The following GALNT18 variants were observed in gnomAD, a reference collection of about 807,000 sequenced individuals.
GALNT18 encodes GalNAc-transferase 18.
GALNT18 carries 44 observed loss-of-function variants against 69.5 expected under a neutral mutation model. That is an observed-to-expected ratio of 0.63 (90% CI 0.50 to 0.81). The LOEUF is 0.81. GALNT18 is among the 40% of genes least tolerant of loss of function. The pLI, the probability that GALNT18 is intolerant of heterozygous loss-of-function variation, is 0.00. For missense variants in GALNT18, 715 were observed against 810.0 expected (o/e 0.88, Z 1.42); for synonymous variants, 364 against 318.2 (o/e 1.14, Z -1.53).
At chr11:11,522,133 A>T (rs1006359140) in intron 1 of GALNT18, among the ~76,000 whole-genome samples, 1 of 152,176 alleles carries the variant, frequency 6.6e-6, no homozygotes, top group Non-Finnish European at 1.5e-5. Context: ...AGGAGGCCCC[A>T]GGCCTCTTCT....
At chr11:11,287,601 G>C (rs138818598) in intron 10 of GALNT18, among the ~76,000 whole-genome samples, 1 of 152,112 alleles carries the variant, frequency 6.6e-6, no homozygotes, top group Admixed American at 6.5e-5. Flanking sequence ...TCAGTACGAA[G>C]GCTACTCTCA....
chr11:11,621,586 C>G lies in GALNT18; in HGVS notation c.8G>C (p.Cys3Ser). 6.3e-7 allele frequency: 1 copy of G among 1,596,498 alleles called. No homozygotes were observed. Among genetic ancestry groups the G allele is most frequent in the Non-Finnish European group, 8.5e-7 (1 of 1,170,696 alleles). The change falls in exon 1 of 11, where the codon TGC becomes TCC. Residue 3 changes from cysteine to serine, a missense_variant. Coordinates refer to ENST00000227756, the MANE Select transcript of GALNT18 (RefSeq NM_198516.3). The surrounding 1 kb of genome is among the most constrained non-coding windows in gnomAD (Gnocchi z 9.3). MV[C>S]TRKTKTLVST... Reference sequence around the variant, plus strand: ...CACCAAAGTTTTGGTCTTCCTGGTGCACACCATTCTGGGCTCCTTCCTCCA... The same window carrying G: ...CACCAAAGTTTTGGTCTTCCTGGTGGACACCATTCTGGGCTCCTTCCTCCA...
chr11:11,589,098 G>C (rs1393056739), intron 1 of GALNT18, among the ~76,000 whole-genome samples: 1 of 152,182 alleles, frequency 6.6e-6, no homozygotes, highest in Non-Finnish European at 1.5e-5. Context: ...CCAGACAAAA[G>C]AGATAATGTG....
At chr11:11,376,457 C>T (rs187235389) in intron 5 of GALNT18, among the ~76,000 whole-genome samples, 20 of 151,762 alleles carry the variant, frequency 1.3e-4, no homozygotes, top group Middle Eastern at 3.4e-3. Context: ...CCTTAAAAGC[C>T]GAGACCACAC....
intron 9 of GALNT18, among the ~76,000 whole-genome samples, chr11:11,300,569 T>A (rs1849476310): frequency 6.6e-6 from 1 of 152,162 alleles, no homozygotes; most frequent in African/African-American, 2.4e-5. Context: ...CAGGGGAGTG[T>A]GACACTGTCT....
chr11:11,520,293 AC>A (rs143567778), intron 1 of GALNT18, among the ~76,000 whole-genome samples: 4,260 of 152,298 alleles, frequency 0.028, 189 homozygotes, highest in African/African-American at 0.098. Flanking sequence ...GGCTTAAATA[AC>A]CTGCCAGATC....
Position 11,621,263 on chromosome 11 carries a change from G to T in GALNT18, c.235+96C>A. On this transcript the variant is annotated intron_variant, in intron 1 of 10. Transcript: ENST00000227756. The surrounding 1 kb of genome is among the most constrained non-coding windows in gnomAD (Gnocchi z 9.3). ...GCATCTGCGGCCCCAGAGCCCCGCC[G>T]TGGCTGAGTTGATGCGCACCAGCCC... The T allele has an allele frequency of 4.0e-6, 4 of 992,876 alleles. No individual in the cohort carries two copies. The highest frequency in any genetic ancestry group is 6.1e-6 in the Non-Finnish European group (4 of 656,626). The allele number at this position is 992,876 out of a possible 1,614,324, so 61.5% of individuals were successfully genotyped here.
rs1856835459 is a variant in GALNT18 at position 11,494,620 on chromosome 11, G to A, written c.236-45684C>T. Among the ~76,000 whole-genome samples the A allele has an allele frequency of 6.6e-6, 1 of 152,176 alleles. No individual in the cohort carries two copies. The highest frequency in any genetic ancestry group is 1.5e-5 in the Non-Finnish European group (1 of 68,030). ...GCTCCCCTTCTTTCCACCGCTATCT[G>A]CCACACATGAATTTCTACACAGCCT... On this transcript the variant is annotated intron_variant, in intron 1 of 10. Coordinates refer to ENST00000227756, the MANE Select transcript of GALNT18 (RefSeq NM_198516.3). This position sits in a 1 kb window ranked among gnomAD's most constrained non-coding sequence, Gnocchi z 5.7.
At chr11:11,544,922 G>A (rs1378159673) in intron 1 of GALNT18, among the ~76,000 whole-genome samples, 2 of 152,228 alleles carry the variant, frequency 1.3e-5, no homozygotes, top group Admixed American at 6.5e-5. Flanking sequence ...AAGGGGCACA[G>A]TTGGGATAGG....
intron 1 of GALNT18, among the ~76,000 whole-genome samples, chr11:11,609,685 C>T (rs1478092911): frequency 6.6e-6 from 1 of 152,186 alleles, no homozygotes; most frequent in Non-Finnish European, 1.5e-5. Flanking sequence ...CTCCCAACTC[C>T]TTATGGTGGT....
At chr11:11,568,328 T>C (rs1405184360) in intron 1 of GALNT18, among the ~76,000 whole-genome samples, 1 of 152,062 alleles carries the variant, frequency 6.6e-6, no homozygotes, top group Non-Finnish European at 1.5e-5. Context: ...TCTGGGGAGT[T>C]GGCCAGCTCT....
intron 1 of GALNT18, among the ~76,000 whole-genome samples, chr11:11,597,341 G>A (rs894795370): frequency 1.3e-5 from 2 of 152,164 alleles, no homozygotes; most frequent in African/African-American, 4.8e-5. Context: ...CTATTTTTCA[G>A]AAGAGTTTAT....
In GALNT18 at chr11:11,295,460, T is replaced by C. The variant is rs113903527; in HGVS notation, c.1513-2267A>G. 8.5e-5 allele frequency among the ~76,000 whole-genome samples: 13 copies of C among 152,156 alleles called. 3 individuals carry two copies. Among genetic ancestry groups the C allele is most frequent in the African/African-American group, 3.1e-4 (13 of 41,512 alleles). On this transcript the variant is annotated intron_variant, in intron 9 of 10. Coordinates refer to ENST00000227756, the MANE Select transcript of GALNT18 (RefSeq NM_198516.3). ...ACCAGAACGTGTAAGAGAAAAGTCA[T>C]GGAGAGAAAGCTGAGAGGAGGGCTT...
intron 1 of GALNT18, among the ~76,000 whole-genome samples, chr11:11,593,903 G>A (rs1410328592): frequency 6.6e-6 from 1 of 152,174 alleles, no homozygotes; most frequent in Non-Finnish European, 1.5e-5. Context: ...CCCCTGCCTT[G>A]CATTTGGCTT....
Position 11,469,771 on chromosome 11 carries a change from T to C in GALNT18, c.236-20835A>G, listed in dbSNP as rs1431778626. On this transcript the variant is annotated intron_variant, in intron 1 of 10. Coordinates refer to ENST00000227756, the MANE Select transcript of GALNT18 (RefSeq NM_198516.3). This position sits in a 1 kb window ranked among gnomAD's most constrained non-coding sequence, Gnocchi z 4.2. Reference sequence around the variant, plus strand: ...CCCTTAGGTGTTTTCAGCTTCCTCTTGCAGACTTTTCCAAAGGTATTTAGG... The same window carrying C: ...CCCTTAGGTGTTTTCAGCTTCCTCTCGCAGACTTTTCCAAAGGTATTTAGG... Among the ~76,000 whole-genome samples the C allele has an allele frequency of 6.6e-6, 1 of 152,164 alleles. No homozygotes were observed. Among genetic ancestry groups the C allele is most frequent in the Non-Finnish European group, 1.5e-5 (1 of 68,030 alleles).
intron 1 of GALNT18, among the ~76,000 whole-genome samples, chr11:11,515,767 T>C (rs1857261037): frequency 1.3e-5 from 2 of 152,084 alleles, no homozygotes; most frequent in Non-Finnish European, 1.5e-5. Context: ...AGGAAGAGCA[T>C]TCCCAGGAGC....
At chr11:11,331,608 T>A (rs1189577828) in intron 8 of GALNT18, among the ~76,000 whole-genome samples, 1 of 152,126 alleles carries the variant, frequency 6.6e-6, no homozygotes, top group Admixed American at 6.5e-5. Flanking sequence ...TCTTGAGATA[T>A]CAAAAAAGGT....
intron 9 of GALNT18, among the ~76,000 whole-genome samples, chr11:11,323,578 C>T (rs998912812): frequency 2.6e-5 from 4 of 152,238 alleles, no homozygotes; most frequent in African/African-American, 9.6e-5. Context: ...GGCACCAGCC[C>T]TTCTCCTGGT....
chr11:11,455,840 G>A (rs1855913896), intron 1 of GALNT18, among the ~76,000 whole-genome samples: 1 of 152,190 alleles, frequency 6.6e-6, no homozygotes, highest in Admixed American at 6.5e-5. Flanking sequence ...TGTAAACTCA[G>A]CACTTTGGGA....
Sources: gnomAD v4.1 joint callset for allele counts (sites outside exome capture counted in the v4.1 genomes callset) on GRCh38, gnomAD v4.1.1 for gene constraint, Gnocchi (gnomAD v3.1) non-coding constraint, MANE v1.5 for transcripts, NCBI Gene and HGNC (gene_info 2026-07-23, HGNC 2026-07-21) for gene names.